EDRF1: variants seen among roughly 807,000 people sequenced by gnomAD.
EDRF1 encodes the protein erythroid differentiation regulatory factor 1, also known as erythroid differentiation-related factor 1.
A neutral mutation model predicts 148.7 loss-of-function variants in EDRF1; 69 were observed. The ratio of observed to expected loss-of-function variants is 0.46; its 90% CI spans 0.38 to 0.57. EDRF1 has a LOEUF of 0.57. EDRF1 is among the 20% of genes least tolerant of loss of function. EDRF1 has a pLI of 0.00. For missense variants in EDRF1, 1,118 were observed against 1,478.7 expected (o/e 0.76, Z 4.00); for synonymous variants, 515 against 532.8 (o/e 0.97, Z 0.46).
At chr10:125,741,363 G>C in intron 17 of EDRF1, 162 bp downstream of exon 17, 1 of 775,422 alleles carries the variant, frequency 1.3e-6, no homozygotes, top group Admixed American at 2.1e-5. Flanking sequence ...TGTTGCCCAA[G>C]CTGGAGTGCA....
chr10:125,752,962 C>T (rs758646123), intron 23 of EDRF1, 48 bp downstream of exon 23: 6 of 1,324,320 alleles, frequency 4.5e-6, no homozygotes, highest in African/African-American at 4.3e-5. Context: ...TCTTAAGCTA[C>T]ATGGTGAATG....
Position 125,753,705 on chromosome 10 carries a change from T to G in EDRF1, c.3405T>G (p.Gly1135=). Residue 1135 remains glycine (G), a synonymous_variant, in exon 24 of 25, where the codon GGT becomes GGG. Coordinates refer to ENST00000356792, the MANE Select transcript of EDRF1 (RefSeq NM_001202438.2). ...TTTGTTGTTTTTAGCCTAAGAGTGG[T>G]GACGCCGCTGCAGCTGCTGATGCTT... ...LIEEFGQPKS[G]DAAAAADASP... 1.2e-6 allele frequency: 2 copies of G among 1,614,092 alleles called. No individual in the cohort carries two copies. The highest frequency in any genetic ancestry group is 1.7e-6 in the Non-Finnish European group (2 of 1,180,024).
Position 125,730,367 on chromosome 10 carries a change from G to C in EDRF1, c.1096G>C (p.Val366Leu). The C allele has an allele frequency of 1.9e-6, 3 of 1,613,950 alleles. No individual in the cohort carries two copies. The highest frequency in any genetic ancestry group is 2.5e-6 in the Non-Finnish European group (3 of 1,179,836). ...CTTGATATGCAATGTGCCAGAGCTT[G>C]TGATGTGTTTTCATGTAAATGGAAT... ...DNLICNVPEL[V>L]MCFHVNGIVQ... Residue 366 changes from valine (V) to leucine (L), a missense_variant, in exon 9 of 25, where the codon GTG becomes CTG. Coordinates refer to ENST00000356792, the MANE Select transcript of EDRF1 (RefSeq NM_001202438.2).
At chr10:125,728,915 T>G in intron 6 of EDRF1, 88 bp from the exon 7 acceptor site, 1 of 997,900 alleles carries the variant, frequency 1.0e-6, no homozygotes, top group Non-Finnish European at 1.4e-6. Context: ...AGTGTGTGCT[T>G]TGAATATTTA....
At chr10:125,738,974 T>A (rs1038162410) in intron 15 of EDRF1, among the ~76,000 whole-genome samples, 9 of 152,242 alleles carry the variant, frequency 5.9e-5, no homozygotes, top group Non-Finnish European at 1.0e-4. Flanking sequence ...CAAATGTCAC[T>A]TTTAAATTAT....
chr10:125,753,470 G>A (rs1286717627), intron 23 of EDRF1, among the ~76,000 whole-genome samples: 1 of 152,176 alleles, frequency 6.6e-6, no homozygotes, highest in Non-Finnish European at 1.5e-5. Context: ...TCTAATGTTG[G>A]AAAGTCAGGA....
chr10:125,722,259 ACT>A (rs1848043537), intron 2 of EDRF1, among the ~76,000 whole-genome samples: 2 of 152,182 alleles, frequency 1.3e-5, no homozygotes, highest in African/African-American at 2.4e-5. Flanking sequence ...AATTATATTG[ACT>A]CTATACAAAT....
In EDRF1 at chr10:125,743,131, T is replaced by A. The variant is rs73379226; in HGVS notation, c.2445T>A (p.Ala815=). The A allele has an allele frequency of 6.7e-4, 1,079 of 1,613,990 alleles. 10 individuals are homozygous for A. In the African/African-American group the frequency reaches 0.013, roughly 20 times the overall value. ...QLSVSCKCYE[A]ANEILQFSDL... ...CTGTTAGTTGTAAATGTTATGAGGC[T>A]GCTAATGAAATCTTGCAGTTTAGTG... is the stretch of plus-strand genomic sequence containing the variant. Residue 815 remains alanine (A), a synonymous_variant, in exon 18 of 25, where the codon GCT becomes GCA. Coordinates refer to ENST00000356792, the MANE Select transcript of EDRF1 (RefSeq NM_001202438.2).
At chr10:125,733,581 A>G (rs1208568834) in intron 10 of EDRF1, 30 bp downstream of exon 10, 2 of 1,609,018 alleles carry the variant, frequency 1.2e-6, no homozygotes, top group Admixed American at 1.7e-5. Context: ...TGAGTGAACA[A>G]TAATTGATTT....
At chr10:125,721,452 C>T in intron 2 of EDRF1, 40 bp downstream of exon 2, 2 of 1,573,488 alleles carry the variant, frequency 1.3e-6, no homozygotes, top group Non-Finnish European at 1.7e-6. Context: ...GCCCCTCCAC[C>T]CTCACTTAAA....
intron 24 of EDRF1, among the ~76,000 whole-genome samples, chr10:125,761,518 T>C (rs1850194321): frequency 6.6e-6 from 1 of 152,216 alleles, no homozygotes. Context: ...GATTCATGGG[T>C]TGTTCCCATT....
intron 22 of EDRF1, among the ~76,000 whole-genome samples, chr10:125,750,017 T>C (rs1849559529): frequency 6.6e-6 from 1 of 152,142 alleles, no homozygotes; most frequent in Admixed American, 6.5e-5. Flanking sequence ...GGTGCAGGCC[T>C]GTAGTCCCAG....
chr10:125,748,074 TG>T, intron 21 of EDRF1, 62 bp downstream of exon 21: 1 of 1,594,700 alleles, frequency 6.3e-7, no homozygotes, highest in Non-Finnish European at 8.6e-7. Flanking sequence ...GGGTGCTTTT[TG>T]TTTTTTTAAC....
chr10:125,757,626 A>T (rs76803331), intron 24 of EDRF1, among the ~76,000 whole-genome samples: 2,339 of 152,334 alleles, frequency 0.015, 58 homozygotes, highest in East Asian at 0.097. Flanking sequence ...TAGGTGTGCT[A>T]GCAATGAATT....
intron 4 of EDRF1, among the ~76,000 whole-genome samples, chr10:125,724,401 A>G (rs750679653): frequency 2.0e-5 from 3 of 152,224 alleles, no homozygotes; most frequent in Non-Finnish European, 4.4e-5. Flanking sequence ...ATAAGATTAT[A>G]ATATACTGTA....
chr10:125,725,613 A>G (rs944637249), intron 5 of EDRF1, 69 bp from the exon 6 acceptor site: 30 of 1,599,922 alleles, frequency 1.9e-5, no homozygotes, highest in Non-Finnish European at 2.4e-5. Flanking sequence ...TAGTTTTTAT[A>G]AACGGGTAGA....
intron 14 of EDRF1, 33 bp from the exon 15 acceptor site, chr10:125,738,262 G>A: frequency 1.2e-6 from 2 of 1,613,332 alleles, no homozygotes; most frequent in East Asian, 2.2e-5. Flanking sequence ...CCTGAAGTTA[G>A]ATAGATAGTG....
chr10:125,749,762 A>T (rs984620942), intron 22 of EDRF1, 197 bp downstream of exon 22: 1 of 635,356 alleles, frequency 1.6e-6, no homozygotes, highest in Non-Finnish European at 2.7e-6. Context: ...AATGTATTAG[A>T]TTATGTTCAG....
intron 17 of EDRF1, 113 bp downstream of exon 17, chr10:125,741,314 G>T (rs949474597): frequency 9.8e-7 from 1 of 1,023,986 alleles, no homozygotes; most frequent in African/African-American, 1.6e-5. Context: ...TATTTGCTCT[G>T]TATTTATTTA....
Sources: allele counts gnomAD v4.1 joint callset (sites outside exome capture counted in the v4.1 genomes callset), GRCh38; gene constraint gnomAD v4.1.1; transcripts MANE v1.5; gene names NCBI Gene and HGNC (gene_info 2026-07-23, HGNC 2026-07-21).